Variants in MADD observed in about 807,000 individuals in gnomAD.
MADD encodes MAP kinase activating death domain, also known as MAP kinase-activating death domain protein.
A neutral mutation model predicts 176.7 loss-of-function variants in MADD; 109 were observed. The ratio of observed to expected loss-of-function variants is 0.62; its 90% CI spans 0.53 to 0.72. MADD has a LOEUF of 0.72. MADD is among the 30% of genes least tolerant of loss of function. The pLI is 0.00. For synonymous variants in MADD, 771 were observed against 771.3 expected (o/e 1.00, Z 0.01); for missense variants, 1,914 against 2,045.5 (o/e 0.94, Z 1.24).
intron 22 of MADD, among the ~76,000 whole-genome samples, chr11:47,306,384 A>G (rs900686599): frequency 2.0e-5 from 3 of 152,176 alleles, no homozygotes; most frequent in African/African-American, 2.4e-5. Context: ...CACTTCCAAG[A>G]TGGCATAGCA....
chr11:47,287,085 G>A (rs1331287468), intron 15 of MADD, among the ~76,000 whole-genome samples: 1 of 152,224 alleles, frequency 6.6e-6, no homozygotes, highest in African/African-American at 2.4e-5. Flanking sequence ...CAGCACTTTG[G>A]GAGGCCGAGG....
At position 47,311,844 on chromosome 11, in the gene MADD, T is replaced by G. The variant is rs1594659729; in HGVS notation, c.4089+2T>G. On this transcript the variant is annotated splice_donor_variant, in intron 26 of 32. Transcript: ENST00000402192. LOFTEE classifies it high-confidence loss of function. ...GTGCTTGATCAGCTGGCGAACCTGG[T>G]AAGCACGTCTGGCCACCCCTTAGGC... 6.2e-7 allele frequency: 1 copy of G among 1,604,412 alleles called. No homozygotes were observed. Among genetic ancestry groups the G allele is most frequent in the South Asian group, 1.1e-5 (1 of 90,810 alleles).
chr11:47,279,602 A>G (rs2054368896), intron 7 of MADD, among the ~76,000 whole-genome samples: 1 of 151,432 alleles, frequency 6.6e-6, no homozygotes, highest in South Asian at 2.1e-4. Context: ...GATGGCCTCT[A>G]TCTCCTGACC....
At chr11:47,274,024 A>G in intron 2 of MADD, 48 bp downstream of exon 2, 2 of 1,540,314 alleles carry the variant, frequency 1.3e-6, no homozygotes, top group African/African-American at 1.4e-5. Flanking sequence ...GGATAGCCAT[A>G]AAATCTGCAG....
chr11:47,327,134 AC>A, intron 31 of MADD: 1 of 1,054,728 alleles, frequency 9.5e-7, no homozygotes, highest in Middle Eastern at 4.5e-4. Context: ...CAGACTGGCG[AC>A]CCCCAAGCTC....
Position 47,325,741 on chromosome 11 carries a change from G to A in MADD, c.4543-997G>A, listed in dbSNP as rs531136412. Among the ~76,000 whole-genome samples, 28 of 152,218 alleles carry A rather than the reference G, an allele frequency of 1.8e-4. No homozygotes were observed. Among genetic ancestry groups the A allele is most frequent in the African/African-American group, 3.4e-4 (14 of 41,460 alleles). On this transcript the variant is annotated intron_variant, in intron 30 of 32. Transcript: ENST00000402192. This position sits in a 1 kb window ranked among gnomAD's most constrained non-coding sequence, Gnocchi z 4.5. ...AGCAGACTTCTGACCACATTTTAGC[G>A]CCGTGGCCTCTGAAGATGAGATCTT...
intron 32 of MADD, 44 bp from the exon 37 acceptor site, chr11:47,329,002 G>C (rs10838693): frequency 0.36 from 518,103 of 1,439,536 alleles, 100,952 homozygotes; most frequent in East Asian, 0.69. Flanking sequence ...TATGGAGATG[G>C]AGGAGTCTCA....
intron 22 of MADD, among the ~76,000 whole-genome samples, chr11:47,297,706 A>G (rs1405143346): frequency 6.6e-6 from 1 of 151,312 alleles, no homozygotes; most frequent in Admixed American, 6.6e-5. Context: ...TTGGCCTACC[A>G]AAGTGCTGGG....
intron 7 of MADD, 133 bp from the exon 8 acceptor site, chr11:47,281,442 G>A (rs1018252111): frequency 1.8e-5 from 11 of 607,232 alleles, no homozygotes; most frequent in African/African-American, 7.5e-5. Context: ...AATTAGCACC[G>A]TTCTTTGTTG....
intron 2 of MADD, 53 bp downstream of exon 2, chr11:47,274,029 C>A: frequency 6.6e-7 from 1 of 1,518,400 alleles, no homozygotes; most frequent in South Asian, 1.1e-5. Flanking sequence ...GCCATAAAAT[C>A]TGCAGTTGTT....
At chr11:47,288,834 GC>G in intron 15 of MADD, 133 bp from the exon 16 acceptor site, 2 of 685,332 alleles carry the variant, frequency 2.9e-6, no homozygotes, top group South Asian at 3.7e-5. Flanking sequence ...GCTCTGAGGT[GC>G]CCAAGAACCA....
At chr11:47,327,082 C>G in intron 31 of MADD, 3 of 1,170,768 alleles carry the variant, frequency 2.6e-6, no homozygotes, top group Non-Finnish European at 3.2e-6. Context: ...GCACCACCTC[C>G]CCGTGCTGGG....
At chr11:47,276,800 C>T (rs765758969) in exon 5 of MADD, 2 of 1,614,094 alleles carry the variant, frequency 1.2e-6, no homozygotes, top group South Asian at 1.1e-5. Context: ...CAATGATCTA[C>T]CCACTGGAGT....
At chr11:47,294,082 G>A in intron 20 of MADD, 99 bp downstream of exon 22, 2 of 992,912 alleles carry the variant, frequency 2.0e-6, no homozygotes, top group South Asian at 2.9e-5. Context: ...GGGCACAGTG[G>A]CTCATGCTTG....
rs201326499 is a variant in MADD at position 47,325,229 on chromosome 11, CT to C, written c.4542+662del. ...ATTGTAATTCCACCATAGGAGCTGA[CT>C]TTTTTTTTTCTCTCTTGGTCTTTTA... is the stretch of plus-strand genomic sequence containing the variant. On this transcript the variant is annotated intron_variant, in intron 30 of 32. Coordinates refer to ENST00000402192, the Ensembl canonical transcript of MADD. The surrounding 1 kb of genome is among the most constrained non-coding windows in gnomAD (Gnocchi z 4.5). 24 of 155,010 alleles carry C rather than the reference CT, an allele frequency of 1.5e-4. No individual in the cohort carries two copies. The highest frequency in any genetic ancestry group is 5.9e-4 in the South Asian group (3 of 5,062). The allele number at this position is 155,010 out of a possible 1,614,324, so 9.6% of individuals were successfully genotyped here. A position where few individuals can be genotyped will look rare whatever the true frequency, so the allele number is the denominator to read the frequency against.
At chr11:47,290,367 A>G in intron 18 of MADD, 68 bp downstream of exon 19, 1 of 1,572,602 alleles carries the variant, frequency 6.4e-7, no homozygotes. Flanking sequence ...AAGAGAAAAT[A>G]TATGTGTACC....
At chr11:47,323,590 A>T in intron 27 of MADD, 81 bp from the exon 31 acceptor site, 1 of 1,484,312 alleles carries the variant, frequency 6.7e-7, no homozygotes, top group Admixed American at 1.8e-5. Context: ...ATGCCCCAGG[A>T]CCACCTTTCC....
At chr11:47,285,295 CTCGTGG>C in intron 13 of MADD, 101 bp downstream of exon 13, 9 of 1,555,612 alleles carry the variant, frequency 5.8e-6, no homozygotes, top group Non-Finnish European at 7.8e-6. Context: ...TCTGAATGCT[CTCGTGG>C]TCCTGCCATC....
At chr11:47,327,740 G>A in intron 31 of MADD, 1 of 985,402 alleles carries the variant, frequency 1.0e-6, no homozygotes, top group Non-Finnish European at 1.2e-6. Flanking sequence ...CTGACCCTGG[G>A]TTCCCCCAAA....
Sources: allele counts gnomAD v4.1 joint callset (sites outside exome capture counted in the v4.1 genomes callset), GRCh38; gene constraint gnomAD v4.1.1; non-coding constraint Gnocchi (gnomAD v3.1); transcripts MANE v1.5; gene names NCBI Gene and HGNC (gene_info 2026-07-23, HGNC 2026-07-21).